RGS20: variants seen among roughly 807,000 people sequenced by gnomAD.
The protein encoded by RGS20 is gz-selective GTPase-activating protein.
A neutral mutation model predicts 33.6 loss-of-function variants in RGS20; 30 were observed. The observed-to-expected ratio is 0.89, with a 90% CI of 0.67 to 1.21. The LOEUF (loss-of-function observed/expected upper bound fraction) is 1.21. Among genes scored for constraint, RGS20 ranks in the 50% most tolerant of loss-of-function variants. The probability of loss-of-function intolerance (pLI) is 0.00; values close to 1 mark genes in which losing one functional copy is unlikely to be tolerated. For missense variants in RGS20, 472 were observed against 502.4 expected, an observed-to-expected ratio of 0.94 and a Z score of 0.58; for synonymous variants, 208 against 197.9, an observed-to-expected ratio of 1.05 and a Z score of -0.43.
chr8:53,953,955 A>G (rs1159247097), intron 4 of RGS20, 121 bp from the exon 4 acceptor site: 1 of 750,052 alleles, frequency 1.3e-6, no homozygotes, highest in East Asian at 2.5e-5. Flanking sequence ...CCTTCCTAAA[A>G]GGGCCTAAAT....
Position 53,954,219 on chromosome 8 carries a change from A to G in RGS20, c.887A>G (p.Glu296Gly), listed in dbSNP as rs757943340. ...AATATGCTCTTCTGGATGGCCTGTG[A>G]GGAACTGAAAAAGGAAGCTAATAAA... is the stretch of plus-strand genomic sequence containing the variant. Residue 296 changes from glutamate (E) to glycine (G), a missense_variant, in exon 5 of 6, where the codon GAG (glutamate) becomes GGG (glycine). Physicochemically the swap from Glu to Gly is moderately conservative, Grantham distance 98. Coordinates refer to ENST00000297313, the MANE Select transcript of RGS20 (RefSeq NM_170587.4). The G allele has an allele frequency of 6.5e-5, 105 of 1,613,954 alleles. No individual in the cohort carries two copies. Among genetic ancestry groups the G allele is most frequent in the Non-Finnish European group, 8.6e-5 (102 of 1,179,930 alleles).
chr8:53,955,213 A>G (rs1438529293), intron 5 of RGS20, among the ~76,000 whole-genome samples: 1 of 151,410 alleles, frequency 6.6e-6, no homozygotes, highest in Non-Finnish European at 1.5e-5. Context: ...GTGGACTTGC[A>G]GAGGGCTCCA....
intron 2 of RGS20, among the ~76,000 whole-genome samples, chr8:53,885,333 G>A (rs1812508548): frequency 6.6e-6 from 1 of 152,216 alleles, no homozygotes; most frequent in Non-Finnish European, 1.5e-5. Flanking sequence ...TACAGCAGAG[G>A]CCGGGCGCGG....
intron 2 of RGS20, among the ~76,000 whole-genome samples, chr8:53,901,191 C>T (rs945575059): frequency 2.0e-5 from 3 of 151,912 alleles, no homozygotes; most frequent in Non-Finnish European, 2.9e-5. Flanking sequence ...CTTCAGCCTC[C>T]CGAGTAGCTG....
intron 1 of RGS20, chr8:53,852,109 A>G: frequency 1.3e-6 from 2 of 1,532,676 alleles, no homozygotes; most frequent in East Asian, 2.3e-5. Context: ...GTCAAGGGAA[A>G]GTGTTTACCC....
chr8:53,892,603 A>C (rs1812743793), intron 2 of RGS20, among the ~76,000 whole-genome samples: 1 of 152,176 alleles, frequency 6.6e-6, no homozygotes, highest in Non-Finnish European at 1.5e-5. Context: ...TCAAACTTTG[A>C]CTTTGATCAT....
intron 1 of RGS20, among the ~76,000 whole-genome samples, chr8:53,858,243 G>A (rs890815834): frequency 6.6e-5 from 10 of 152,038 alleles, no homozygotes; most frequent in South Asian, 2.1e-4. Context: ...TAGTCCCAGC[G>A]TTTGGGATTA....
chr8:53,927,020 A>C (rs1813821276), intron 2 of RGS20, among the ~76,000 whole-genome samples: 1 of 152,190 alleles, frequency 6.6e-6, no homozygotes, highest in Non-Finnish European at 1.5e-5. Context: ...ATTGTGATCA[A>C]AATTAAGAGT....
chr8:53,909,759 G>A (rs7824575), intron 2 of RGS20, among the ~76,000 whole-genome samples: 62,018 of 151,996 alleles, frequency 0.41, 15,864 homozygotes, highest in African/African-American at 0.74. Flanking sequence ...AGGAATTGTT[G>A]TGTGAATAAT....
At chr8:53,952,026 A>C (rs1414885833) in intron 4 of RGS20, among the ~76,000 whole-genome samples, 1 of 150,688 alleles carries the variant, frequency 6.6e-6, no homozygotes, top group East Asian at 2.0e-4. Flanking sequence ...ACAGAAATTA[A>C]AAAGTGAACT....
intron 4 of RGS20, among the ~76,000 whole-genome samples, chr8:53,947,197 G>A (rs955642332): frequency 4.2e-5 from 6 of 141,194 alleles, no homozygotes; most frequent in African/African-American, 5.2e-5. Flanking sequence ...ATTTATACAC[G>A]CTATATAAGA....
At chr8:53,897,018 A>T (rs1350178195) in intron 2 of RGS20, among the ~76,000 whole-genome samples, 2 of 152,264 alleles carry the variant, frequency 1.3e-5, no homozygotes, top group Non-Finnish European at 2.9e-5. Context: ...ACGGGGGATC[A>T]TAGAGAATTT....
intron 3 of RGS20, among the ~76,000 whole-genome samples, chr8:53,945,657 T>G (rs1206063600): frequency 6.6e-6 from 1 of 152,202 alleles, no homozygotes; most frequent in Non-Finnish European, 1.5e-5. Flanking sequence ...GGCTCATGCC[T>G]GTAATCCCAG....
chr8:53,954,071 C>T lies in RGS20; in HGVS notation c.744-5C>T, dbSNP rs771443377. Reference sequence around the variant, plus strand: ...TTTGCCCCCTCTCTTTTGGTCTCCACGAAGCCCTGCTCCTACTCTGGAAGA... The same window carrying T: ...TTTGCCCCCTCTCTTTTGGTCTCCATGAAGCCCTGCTCCTACTCTGGAAGA... On this transcript the variant is annotated splice_polypyrimidine_tract_variant and splice_region_variant and intron_variant, in intron 4 of 5. Transcript: ENST00000297313. 27 of 1,607,602 alleles carry T rather than the reference C, an allele frequency of 1.7e-5. No individual in the cohort carries two copies. Among genetic ancestry groups the T allele is most frequent in the African/African-American group, 1.2e-4 (9 of 74,768 alleles).
intron 4 of RGS20, among the ~76,000 whole-genome samples, chr8:53,947,269 TAA>T (rs1267774871): frequency 2.8e-5 from 4 of 143,250 alleles, no homozygotes; most frequent in African/African-American, 1.0e-4. Flanking sequence ...ACATGCTATA[TAA>T]GATATAGCAT....
At chr8:53,879,222 C>A in intron 1 of RGS20, 1 of 1,569,746 alleles carries the variant, frequency 6.4e-7, no homozygotes, top group Non-Finnish European at 8.8e-7. Context: ...ACCACAGTAA[C>A]CGTATGCTGG....
intron 1 of RGS20, among the ~76,000 whole-genome samples, chr8:53,855,871 C>T (rs1330187745): frequency 6.6e-6 from 1 of 152,150 alleles, no homozygotes; most frequent in Non-Finnish European, 1.5e-5. Context: ...TCATTTGGCT[C>T]CTTGGGTTAA....
chr8:53,950,426 A>G (rs1354065067), intron 4 of RGS20, among the ~76,000 whole-genome samples: 4 of 152,140 alleles, frequency 2.6e-5, no homozygotes, highest in African/African-American at 7.2e-5. Context: ...TATACTTACC[A>G]GTTGAACATC....
In RGS20 at chr8:53,886,961, A is replaced by G. The variant is rs182202014; in HGVS notation, c.510+7359A>G. 8.3e-4 allele frequency: 127 copies of G among 152,472 alleles called. 1 individual carries two copies. Among genetic ancestry groups the G allele is most frequent in the Non-Finnish European group, 1.3e-3 (92 of 68,190 alleles). The allele number at this position is 152,472 out of a possible 1,614,324, so 9.4% of individuals were successfully genotyped here. Reference sequence around the variant, plus strand: ...ATAATGTGATTTAAGGGACTCGTAGATTTCTTTCTTTCTTTCTTTTCATGT... The same window carrying G: ...ATAATGTGATTTAAGGGACTCGTAGGTTTCTTTCTTTCTTTCTTTTCATGT... On this transcript the variant is annotated intron_variant, in intron 2 of 5. Transcript: ENST00000297313.
Sources: allele counts gnomAD v4.1 joint callset (sites outside exome capture counted in the v4.1 genomes callset), GRCh38; gene constraint gnomAD v4.1.1; transcripts MANE v1.5; gene names NCBI Gene and HGNC (gene_info 2026-07-23, HGNC 2026-07-21).